Variants in TPO observed in about 807,000 individuals in gnomAD.
TPO encodes the protein thyroid peroxidase, also known as thyroid microsomal antigen.
TPO carries 78 observed loss-of-function variants against 96.9 expected under a neutral mutation model. The observed-to-expected ratio is 0.81, with a 90% CI of 0.67 to 0.97. The LOEUF (loss-of-function observed/expected upper bound fraction) is 0.97. TPO is among the 50% of genes least tolerant of loss of function. TPO has a pLI of 0.00. For missense variants in TPO, 1,252 were observed against 1,274.8 expected, an observed-to-expected ratio of 0.98 and a Z score of 0.27; for synonymous variants, 547 against 538.0, an observed-to-expected ratio of 1.02 and a Z score of -0.23.
At chr2:1,459,056 C>G (rs981620272) in intron 7 of TPO, among the ~76,000 whole-genome samples, 3 of 152,016 alleles carry the variant, frequency 2.0e-5, no homozygotes, top group African/African-American at 4.8e-5. Context: ...TAATATTGCA[C>G]AAATGTTCAC....
intron 14 of TPO, among the ~76,000 whole-genome samples, chr2:1,508,234 C>T (rs1456635625): frequency 6.6e-6 from 1 of 152,030 alleles, no homozygotes; most frequent in South Asian, 2.1e-4. Context: ...AGGGATGAAG[C>T]CCACTTGATC....
intron 2 of TPO, among the ~76,000 whole-genome samples, chr2:1,421,904 C>A (rs575806077): frequency 1.0e-3 from 156 of 152,368 alleles, no homozygotes; most frequent in Non-Finnish European, 1.5e-3. Flanking sequence ...CAGGTCCCCT[C>A]TTCAGATTCC....
chr2:1,541,317 G>A (rs945026714), intron 16 of TPO: 18 of 426,890 alleles, frequency 4.2e-5, no homozygotes, highest in Admixed American at 5.3e-5. Flanking sequence ...TGGGGCGCAC[G>A]CTTCCTCATA....
At chr2:1,378,070 G>T (rs115733863) in intron 1 of TPO, among the ~76,000 whole-genome samples, 3 of 152,240 alleles carry the variant, frequency 2.0e-5, no homozygotes, top group African/African-American at 7.2e-5. Context: ...GGTTCTCATT[G>T]TCGCTTGTCT....
chr2:1,484,124 G>A (rs114557461), intron 8 of TPO, among the ~76,000 whole-genome samples: 10 of 152,204 alleles, frequency 6.6e-5, no homozygotes, highest in South Asian at 2.1e-4. Context: ...GTATCAAATC[G>A]TAATTTCCAG....
At chr2:1,528,066 C>A (rs1326426562) in intron 15 of TPO, among the ~76,000 whole-genome samples, 3 of 144,212 alleles carry the variant, frequency 2.1e-5, no homozygotes, top group Admixed American at 1.4e-4. Flanking sequence ...TGTGTGCAAC[C>A]CCCCCAGATC....
chr2:1,531,446 C>T (rs1197497941), intron 15 of TPO, among the ~76,000 whole-genome samples: 2 of 57,650 alleles, frequency 3.5e-5, no homozygotes, highest in Non-Finnish European at 5.7e-5. Context: ...AGCAACCTCC[C>T]CAAATCCCTC....
chr2:1,389,714 G>A (rs1199651953), intron 1 of TPO, among the ~76,000 whole-genome samples: 1 of 152,030 alleles, frequency 6.6e-6, no homozygotes, highest in Non-Finnish European at 1.5e-5. Context: ...TCCCCTCCTG[G>A]CATCTGATGT....
At chr2:1,406,513 C>T (rs1266891438) in intron 1 of TPO, among the ~76,000 whole-genome samples, 1 of 152,238 alleles carries the variant, frequency 6.6e-6, no homozygotes, top group Non-Finnish European at 1.5e-5. Flanking sequence ...CCATGCCTGG[C>T]TTGCAGCCCC....
intron 13 of TPO, among the ~76,000 whole-genome samples, chr2:1,502,207 T>A (rs1421213708): frequency 6.6e-6 from 1 of 152,050 alleles, no homozygotes; most frequent in Non-Finnish European, 1.5e-5. Flanking sequence ...CAGCTCTGCA[T>A]AACGGGATGC....
At chr2:1,419,991 T>G (rs563397358) in intron 2 of TPO, among the ~76,000 whole-genome samples, 1 of 152,328 alleles carries the variant, frequency 6.6e-6, no homozygotes, top group African/African-American at 2.4e-5. Flanking sequence ...GTAGTTAACC[T>G]AAACAATGAA....
intron 13 of TPO, among the ~76,000 whole-genome samples, chr2:1,501,822 C>T (rs555023389): frequency 7.9e-5 from 12 of 152,222 alleles, no homozygotes; most frequent in Admixed American, 2.0e-4. Context: ...GAGCACCACC[C>T]GGCCGACACC....
chr2:1,409,999 G>A (rs537168477), upstream of TPO, among the ~76,000 whole-genome samples: 24 of 151,888 alleles, frequency 1.6e-4, no homozygotes, highest in African/African-American at 3.6e-4. Context: ...GACAGGTGCC[G>A]TGAGGGGCAG....
rs1035607222 is a variant in TPO at position 1,496,343 on chromosome 2, G to A, written c.2215+146G>A. On this transcript the variant is annotated intron_variant, in intron 12 of 16. Transcript: ENST00000329066. ...CTTACACCCTCAGGGCAGCTCCTGG[G>A]GCGGGGCGGGGCGGGGCGGGGCCCT... The A allele has an allele frequency of 3.2e-6, 3 of 950,506 alleles. No homozygotes were observed. In the South Asian group the frequency reaches 4.6e-5, roughly 15 times the overall value. The allele number at this position is 950,506 out of a possible 1,614,324, so 58.9% of individuals were successfully genotyped here.
chr2:1,540,694 C>T lies in TPO; in HGVS notation c.2719C>T (p.Gln907Ter). The part of the protein sequence containing the change: ...GKHQAVGTSP[Q>*]RAAAQDSEQE... The stretch of plus-strand genomic sequence containing the variant: ...GCACCAGGCCGTAGGGACCTCACCG[C>T]AGCGGGCCGCAGCTCAGGACTCGGA... Residue 907 changes from glutamine to a stop codon, truncating the protein, a stop_gained, in exon 16 of 17, where the codon CAG (glutamine) becomes TAG (stop). Transcript: ENST00000329066. LOFTEE classifies it low-confidence loss of function (END_TRUNC). 1 of 1,613,372 alleles carries T rather than the reference C, an allele frequency of 6.2e-7. No homozygotes were observed. Among genetic ancestry groups the T allele is most frequent in the Non-Finnish European group, 8.5e-7 (1 of 1,180,040 alleles).
At chr2:1,421,042 G>A (rs1368954523) in intron 2 of TPO, among the ~76,000 whole-genome samples, 2 of 152,096 alleles carry the variant, frequency 1.3e-5, no homozygotes, top group Admixed American at 1.3e-4. Context: ...GAGGACCAAA[G>A]GAGGGTGAGA....
intron 14 of TPO, among the ~76,000 whole-genome samples, chr2:1,506,242 T>C (rs58944958): frequency 0.28 from 42,233 of 148,874 alleles, 6,134 homozygotes; most frequent in Admixed American, 0.33. Context: ...CATAGTATTC[T>C]ATGGTATATA....
chr2:1,463,797 G>A (rs1161675744), intron 7 of TPO, among the ~76,000 whole-genome samples: 1 of 152,108 alleles, frequency 6.6e-6, no homozygotes, highest in Non-Finnish European at 1.5e-5. Flanking sequence ...TGAATGTATC[G>A]ACAACCTCAA....
At position 1,496,116 on chromosome 2, in the gene TPO, G is replaced by C; in HGVS notation, c.2134G>C (p.Gly712Arg). The C allele has an allele frequency of 2.5e-6, 4 of 1,614,092 alleles. No homozygotes were observed. The highest frequency in any genetic ancestry group is 1.1e-5 in the South Asian group (1 of 91,052). ...GGTGCCCATGGATGCCTTCCAAGTC[G>C]GCAAATTCCCCGAAGACTTTGAGTC... The part of the protein sequence containing the change: ...TRVPMDAFQV[G>R]KFPEDFESCD... The change falls in exon 12 of 17, where the codon GGC becomes CGC. Residue 712 changes from glycine to arginine, a missense_variant. Gly to Arg is a moderately radical substitution (Grantham distance 125). Coordinates refer to ENST00000329066, the MANE Select transcript of TPO (RefSeq NM_001206744.2).
Sources: gnomAD v4.1 joint callset for allele counts (sites outside exome capture counted in the v4.1 genomes callset) on GRCh38, gnomAD v4.1.1 for gene constraint, MANE v1.5 for transcripts, NCBI Gene and HGNC (gene_info 2026-07-23, HGNC 2026-07-21) for gene names.